OSBPL8: variants seen among roughly 807,000 people sequenced by gnomAD.
The protein encoded by OSBPL8 is oxysterol-binding protein-related protein 8.
OSBPL8 carries 59 observed loss-of-function variants against 125.5 expected under a neutral mutation model. The ratio of observed to expected loss-of-function variants is 0.47; its 90% confidence interval spans 0.38 to 0.58. The LOEUF (loss-of-function observed/expected upper bound fraction) is 0.58. Ranked by LOEUF, OSBPL8 falls within the 20% of genes least tolerant of loss-of-function variation. OSBPL8 has a pLI of 0.00. For missense variants in OSBPL8, 758 were observed against 1,047.8 expected, an observed-to-expected ratio of 0.72 and a Z score of 3.82; for synonymous variants, 330 against 338.9, an observed-to-expected ratio of 0.97 and a Z score of 0.29.
intron 4 of OSBPL8, among the ~76,000 whole-genome samples, chr12:76,417,544 A>C (rs973736312): frequency 6.6e-6 from 1 of 151,958 alleles, no homozygotes; most frequent in African/African-American, 2.4e-5. Context: ...TTTATTTTTC[A>C]TCTTTTCCCT....
chr12:76,364,618 C>T (rs962471227), intron 21 of OSBPL8, among the ~76,000 whole-genome samples: 1 of 152,104 alleles, frequency 6.6e-6, no homozygotes, highest in Admixed American at 6.5e-5. Context: ...CCTGCACATT[C>T]TGTGCTTGTA....
At chr12:76,542,649 A>C (rs1339907936) in intron 1 of OSBPL8, among the ~76,000 whole-genome samples, 1 of 152,188 alleles carries the variant, frequency 6.6e-6, no homozygotes, top group African/African-American at 2.4e-5. Flanking sequence ...CAGGTACTCT[A>C]AACTGTCTCC....
chr12:76,414,243 G>A (rs2136442141), intron 4 of OSBPL8, among the ~76,000 whole-genome samples: 1 of 152,060 alleles, frequency 6.6e-6, no homozygotes, highest in East Asian at 1.9e-4. Context: ...TATTCATCTA[G>A]CACTTAAAGT....
chr12:76,556,963 C>A (rs1246715124), intron 1 of OSBPL8, among the ~76,000 whole-genome samples: 3 of 152,218 alleles, frequency 2.0e-5, no homozygotes, highest in African/African-American at 7.2e-5. Flanking sequence ...CGGGCCTGGC[C>A]TCTCAAAGGC....
intron 16 of OSBPL8, 42 bp from the exon 17 acceptor site, chr12:76,375,412 T>C: frequency 7.4e-7 from 1 of 1,342,742 alleles, no homozygotes; most frequent in Non-Finnish European, 1.1e-6. Flanking sequence ...AAGAGTATAG[T>C]ATAGTATATG....
intron 13 of OSBPL8, 59 bp downstream of exon 13, chr12:76,386,520 T>TA: frequency 6.8e-7 from 1 of 1,465,488 alleles, no homozygotes; most frequent in Non-Finnish European, 9.3e-7. Context: ...ACAGATTACA[T>TA]AAAATATAAA....
At chr12:76,445,157 T>C (rs1290427682) in intron 4 of OSBPL8, among the ~76,000 whole-genome samples, 1 of 152,144 alleles carries the variant, frequency 6.6e-6, no homozygotes, top group Non-Finnish European at 1.5e-5. Context: ...AAGGTTCTAA[T>C]AGCAGTTAGG....
chr12:76,372,133 C>G (rs1033248495), intron 18 of OSBPL8, among the ~76,000 whole-genome samples: 2 of 152,046 alleles, frequency 1.3e-5, no homozygotes, highest in Non-Finnish European at 2.9e-5. Context: ...ATCTATTTTA[C>G]CTATCTAATT....
intron 7 of OSBPL8, among the ~76,000 whole-genome samples, chr12:76,398,372 T>C (rs1191591539): frequency 2.0e-5 from 3 of 152,200 alleles, no homozygotes; most frequent in African/African-American, 4.8e-5. Context: ...AGAAAATAAC[T>C]TCCTCCTAGC....
intron 2 of OSBPL8, among the ~76,000 whole-genome samples, chr12:76,469,677 C>A (rs952824699): frequency 6.6e-6 from 1 of 152,106 alleles, no homozygotes; most frequent in African/African-American, 2.4e-5. Context: ...AGCAATCATC[C>A]CCTATTTTGT....
chr12:76,491,428 C>G (rs1414897969), intron 1 of OSBPL8, among the ~76,000 whole-genome samples: 1 of 152,078 alleles, frequency 6.6e-6, no homozygotes, highest in Admixed American at 6.5e-5. Flanking sequence ...TTTCTTATTT[C>G]TACAAGTATA....
intron 2 of OSBPL8, among the ~76,000 whole-genome samples, chr12:76,467,522 C>T (rs1430694431): frequency 6.6e-6 from 1 of 152,218 alleles, no homozygotes; most frequent in Non-Finnish European, 1.5e-5. Flanking sequence ...CAGAAACCAG[C>T]TTCCACACTG....
intron 1 of OSBPL8, among the ~76,000 whole-genome samples, chr12:76,546,118 C>T (rs1353507890): frequency 6.6e-6 from 1 of 152,144 alleles, no homozygotes; most frequent in Non-Finnish European, 1.5e-5. Flanking sequence ...TTTTGTGTTA[C>T]GTTGGGGGTC....
intron 1 of OSBPL8, among the ~76,000 whole-genome samples, chr12:76,514,832 C>T (rs1395046838): frequency 6.6e-6 from 1 of 152,156 alleles, no homozygotes; most frequent in Non-Finnish European, 1.5e-5. Context: ...CCATACTTCT[C>T]GAAGCTTTTG....
intron 1 of OSBPL8, among the ~76,000 whole-genome samples, chr12:76,517,700 T>C (rs1475972182): frequency 6.6e-6 from 1 of 152,204 alleles, no homozygotes; most frequent in East Asian, 1.9e-4. Context: ...TACAGAAGCA[T>C]GGCTCTGGCA....
intron 1 of OSBPL8, among the ~76,000 whole-genome samples, chr12:76,510,085 C>T (rs901308288): frequency 6.6e-6 from 1 of 152,198 alleles, no homozygotes; most frequent in African/African-American, 2.4e-5. Flanking sequence ...AATTTAGTTT[C>T]CATTTATTTA....
intron 1 of OSBPL8, among the ~76,000 whole-genome samples, chr12:76,495,428 T>G (rs1423143043): frequency 2.0e-5 from 3 of 152,236 alleles, no homozygotes; most frequent in African/African-American, 7.2e-5. Context: ...ACAAGAGCTA[T>G]ATAACACATT....
intron 16 of OSBPL8, among the ~76,000 whole-genome samples, chr12:76,377,049 G>A (rs1275445019): frequency 6.6e-6 from 1 of 152,082 alleles, no homozygotes; most frequent in African/African-American, 2.4e-5. Context: ...TTCTGTGTTA[G>A]TTTGCTGAGA....
intron 1 of OSBPL8, among the ~76,000 whole-genome samples, chr12:76,496,928 T>G (rs544345417): frequency 2.0e-5 from 3 of 151,166 alleles, no homozygotes; most frequent in African/African-American, 7.3e-5. Context: ...ATCCTCTCAC[T>G]TCAGCCTCCC....
Sources: allele counts gnomAD v4.1 joint callset (sites outside exome capture counted in the v4.1 genomes callset), GRCh38; gene constraint gnomAD v4.1.1; transcripts MANE v1.5; gene names NCBI Gene and HGNC (gene_info 2026-07-23, HGNC 2026-07-21).